Variants in SGSM3 observed in about 807,000 individuals in gnomAD.
The protein encoded by SGSM3 is RUN and SH3 containing 3.
Under a neutral mutation model 100.5 loss-of-function variants are expected in SGSM3, and 96 were observed. The observed-to-expected ratio is 0.96, with a 90% confidence interval of 0.81 to 1.13. SGSM3 has a LOEUF of 1.13. Among genes scored for constraint, SGSM3 ranks in the 50% most tolerant of loss-of-function variants. The pLI is 0.00. For synonymous variants in SGSM3, 483 were observed against 422.8 expected (o/e 1.14, Z -1.75); for missense variants, 1,001 against 1,015.8 (o/e 0.99, Z 0.20).
intron 1 of SGSM3, among the ~76,000 whole-genome samples, chr22:40,380,747 G>A (rs904275405): frequency 2.0e-5 from 3 of 152,206 alleles, no homozygotes; most frequent in African/African-American, 7.2e-5. Context: ...ACCAGCCTGG[G>A]CAACATAGTA....
chr22:40,381,654 G>GT (rs1225260685), intron 1 of SGSM3, among the ~76,000 whole-genome samples: 1 of 152,134 alleles, frequency 6.6e-6, no homozygotes, highest in Non-Finnish European at 1.5e-5. Context: ...GCAATTTGTT[G>GT]TAAGTTAATA....
intron 1 of SGSM3, among the ~76,000 whole-genome samples, chr22:40,391,650 ACT>A (rs1348822405): frequency 2.0e-5 from 3 of 151,950 alleles, no homozygotes; most frequent in Non-Finnish European, 4.4e-5. Context: ...TAATTACAAG[ACT>A]CAAAAGAAGA....
In SGSM3 at chr22:40,398,457, C is replaced by T. The variant is rs931616869; in HGVS notation, c.-111-2239C>T. On this transcript the variant is annotated intron_variant, in intron 1 of 21. Transcript: ENST00000248929. ...CCTTCCCAGCCCCTTCAGGCCTCCA[C>T]AGCCAGATGTAGCTGATTTCTCTGC... Among the ~76,000 whole-genome samples, 12 of 141,444 alleles carry T rather than the reference C, an allele frequency of 8.5e-5. 1 individual carries two copies. Among genetic ancestry groups the T allele is most frequent in the Non-Finnish European group, 1.8e-4 (12 of 65,234 alleles). The allele number at this position is 141,444 out of a possible 152,430, so 92.8% of individuals were successfully genotyped here. A position where few individuals can be genotyped will look rare whatever the true frequency, so the allele number is the denominator to read the frequency against.
Position 40,410,071 on chromosome 22 carries a change from CT to C in SGSM3, c.*315del. ...GGGGTGGCTAGTAGGCTCCTGGCCTCTTTGGTTTATAAATAAACTGTGTCTG... is the reference window on the plus strand; with the variant it reads ...GGGGTGGCTAGTAGGCTCCTGGCCTCTTGGTTTATAAATAAACTGTGTCTG... On this transcript the variant is annotated 3_prime_UTR_variant, in exon 22 of 22. Transcript: ENST00000248929. The C allele has an allele frequency of 8.0e-7, 1 of 1,250,928 alleles. No individual in the cohort carries two copies. Among genetic ancestry groups the C allele is most frequent in the Non-Finnish European group, 1.0e-6 (1 of 996,896 alleles). 77.5% of individuals were successfully genotyped at this position (1,250,928 alleles called of 1,614,324 possible). A position where few individuals can be genotyped will look rare whatever the true frequency, so the allele number is the denominator to read the frequency against.
rs533116797 is a variant in SGSM3, at chr22:40,409,390, C to T, written c.2111+18C>T. ...GAGCTCCGGTGAGGACCTTACTGGGCTTGGGGGATGGAGGTGGGGTGGGAA... is the reference window on the plus strand; with the variant it reads ...GAGCTCCGGTGAGGACCTTACTGGGTTTGGGGGATGGAGGTGGGGTGGGAA... On this transcript the variant is annotated intron_variant, in intron 20 of 21. Coordinates refer to ENST00000248929, the MANE Select transcript of SGSM3 (RefSeq NM_015705.6). The T allele has an allele frequency of 6.3e-6, 10 of 1,581,714 alleles. No individual in the cohort carries two copies. The African/African-American group carries it at 1.2e-4, about 19-fold the overall frequency.
At chr22:40,408,878 C>T (rs2052100542) in intron 18 of SGSM3, 36 bp downstream of exon 18, 2 of 1,613,872 alleles carry the variant, frequency 1.2e-6, no homozygotes, top group Non-Finnish European at 1.7e-6. Flanking sequence ...CTAGAGACCT[C>T]TCTGGGGTTA....
intron 1 of SGSM3, among the ~76,000 whole-genome samples, chr22:40,389,925 A>G (rs1034420170): frequency 3.8e-4 from 57 of 151,636 alleles, no homozygotes; most frequent in Non-Finnish European, 5.0e-4. Context: ...AGAAAAAAAA[A>G]AAAAAAAGAA....
Position 40,407,826 on chromosome 22 carries a change from A to G in SGSM3, c.1562A>G (p.Glu521Gly). The change falls in exon 14 of 22, where the codon GAG becomes GGG. Residue 521 changes from glutamate (E) to glycine (G), a missense_variant. Coordinates refer to ENST00000248929, the MANE Select transcript of SGSM3 (RefSeq NM_015705.6). This position sits in a 1 kb window ranked among gnomAD's most constrained non-coding sequence, Gnocchi z 4.7. Reference sequence around the variant, plus strand: ...AAGGACGAGCACTGCTGGGTGGGGGAGCTCAACGGCCTGCGAGGTGGGGTC... The same window carrying G: ...AAGGACGAGCACTGCTGGGTGGGGGGGCTCAACGGCCTGCGAGGTGGGGTC... ...SQKDEHCWVG[E>G]LNGLRGWFPA... is the part of the protein sequence containing the mutation. The G allele has an allele frequency of 1.2e-6, 2 of 1,612,218 alleles. No individual in the cohort carries two copies. The highest frequency in any genetic ancestry group is 1.7e-6 in the Non-Finnish European group (2 of 1,179,288).
In SGSM3 at chr22:40,410,035, G is replaced by A. The variant is rs1308612409; in HGVS notation, c.*276G>A. The A allele has an allele frequency of 3.8e-6, 5 of 1,314,042 alleles. No homozygotes were observed. Among genetic ancestry groups the A allele is most frequent in the Non-Finnish European group, 3.9e-6 (4 of 1,035,982 alleles). The allele number at this position is 1,314,042 out of a possible 1,614,324, so 81.4% of individuals were successfully genotyped here. ...GAGCCATGTCTGTGCTCAGGAAGAG[G>A]GAAGGGGATGGGGGTGGCTAGTAGG... On this transcript the variant is annotated 3_prime_UTR_variant, in exon 22 of 22. Coordinates refer to ENST00000248929, the MANE Select transcript of SGSM3 (RefSeq NM_015705.6).
At chr22:40,378,901 T>C (rs1211208244) in intron 1 of SGSM3, among the ~76,000 whole-genome samples, 1 of 152,172 alleles carries the variant, frequency 6.6e-6, no homozygotes, top group Non-Finnish European at 1.5e-5. Flanking sequence ...TTTTCCAACC[T>C]AGTCTCTTAT....
At position 40,409,761 on chromosome 22, in the gene SGSM3, C is replaced by T. The variant is rs1266207276; in HGVS notation, c.*2C>T. On this transcript the variant is annotated 3_prime_UTR_variant, in exon 22 of 22. Transcript: ENST00000248929. The stretch of plus-strand genomic sequence containing the variant: ...TTCAGCTGGGATGTGGACGGGTGAC[C>T]CCCTCCTCCCCAGCCCAACCTCGGG... 4 of 1,605,412 alleles carry T rather than the reference C, an allele frequency of 2.5e-6. No homozygotes were observed. The highest frequency in any genetic ancestry group is 1.1e-5 in the South Asian group (1 of 90,880).
At position 40,407,329 on chromosome 22, in the gene SGSM3, G is replaced by T. The variant is rs768593978; in HGVS notation, c.1368+1G>T. ...CACAGACCCCAAAAACTGCAGCGTG[G>T]TGAGTCGCCAGCTCCCTGGGCTGCT... On this transcript the variant is annotated splice_donor_variant, in intron 12 of 21. Transcript: ENST00000248929. LOFTEE classifies it high-confidence loss of function. This position sits in a 1 kb window ranked among gnomAD's most constrained non-coding sequence, Gnocchi z 4.7. The T allele has an allele frequency of 6.2e-7, 1 of 1,613,462 alleles. No homozygotes were observed. The highest frequency in any genetic ancestry group is 1.1e-5 in the South Asian group (1 of 91,082).
intron 1 of SGSM3, among the ~76,000 whole-genome samples, chr22:40,384,992 G>A (rs76035307): frequency 2.9e-4 from 44 of 152,246 alleles, no homozygotes; most frequent in African/African-American, 9.6e-4. Context: ...ACTGATGTGG[G>A]GAATGTCTTT....
chr22:40,395,080 C>G (rs961540462), intron 1 of SGSM3, among the ~76,000 whole-genome samples: 24 of 152,138 alleles, frequency 1.6e-4, no homozygotes, highest in African/African-American at 5.8e-4. Context: ...GAAGAAATTG[C>G]AGGTTCATGA....
chr22:40,385,866 T>A (rs2048329861), intron 1 of SGSM3, among the ~76,000 whole-genome samples: 1 of 152,086 alleles, frequency 6.6e-6, no homozygotes, highest in Non-Finnish European at 1.5e-5. Context: ...TTTTTTTTTC[T>A]TGAAGACCGG....
chr22:40,409,400 G>A, intron 20 of SGSM3, 28 bp downstream of exon 20: 5 of 1,579,358 alleles, frequency 3.2e-6, no homozygotes, highest in Non-Finnish European at 4.3e-6. Flanking sequence ...CTTGGGGGAT[G>A]GAGGTGGGGT....
rs773745688 is a variant in SGSM3, at chr22:40,405,852, G to A, written c.814+8G>A. On this transcript the variant is annotated splice_region_variant and intron_variant, in intron 8 of 21. Coordinates refer to ENST00000248929, the MANE Select transcript of SGSM3 (RefSeq NM_015705.6). ...TCCAGGAGCATGACATTGGTAAGGC[G>A]CCCCTGAGCCACTGGCTCCCATTCT... 36 of 1,601,726 alleles carry A rather than the reference G, an allele frequency of 2.2e-5. No individual in the cohort carries two copies. Among genetic ancestry groups the A allele is most frequent in the African/African-American group, 1.7e-4 (13 of 74,708 alleles).
chr22:40,386,957 T>C (rs143597801), intron 1 of SGSM3, among the ~76,000 whole-genome samples: 37 of 152,310 alleles, frequency 2.4e-4, no homozygotes, highest in African/African-American at 8.7e-4. Flanking sequence ...TTAGTTGCTT[T>C]GTGTCTTAAA....
At chr22:40,381,512 T>C (rs138483858) in intron 1 of SGSM3, among the ~76,000 whole-genome samples, 42 of 152,342 alleles carry the variant, frequency 2.8e-4, no homozygotes, top group African/African-American at 7.7e-4. Flanking sequence ...TGAAGTATTA[T>C]ATTATTACTC....
Sources: gnomAD v4.1 joint callset for allele counts (sites outside exome capture counted in the v4.1 genomes callset) on GRCh38, gnomAD v4.1.1 for gene constraint, Gnocchi (gnomAD v3.1) non-coding constraint, MANE v1.5 for transcripts, NCBI Gene and HGNC (gene_info 2026-07-23, HGNC 2026-07-21) for gene names.